ELAPOR2: variants seen among roughly 807,000 people sequenced by gnomAD.
ELAPOR2 encodes endosome-lysosome associated apoptosis and autophagy regulator family member 2, also known as endosome/lysosome-associated apoptosis and autophagy regulator family member 2.
In ELAPOR2, 89 loss-of-function variants were observed where a neutral mutation model predicts 120.7. The ratio of observed to expected loss-of-function variants is 0.74; its 90% CI spans 0.62 to 0.88. The LOEUF (loss-of-function observed/expected upper bound fraction) is 0.88, where lower values mean the gene tolerates loss of function less well. Among genes scored for constraint, ELAPOR2 ranks in the 40% least tolerant of loss-of-function variants. ELAPOR2 has a pLI of 0.00. For synonymous variants in ELAPOR2, 444 were observed against 444.9 expected, an observed-to-expected ratio of 1.00 and a Z score of 0.03; for missense variants, 1,134 against 1,251.6, an observed-to-expected ratio of 0.91 and a Z score of 1.42.
chr7:86,922,122 G>C (rs1789860896), intron 10 of ELAPOR2, among the ~76,000 whole-genome samples: 1 of 151,922 alleles, frequency 6.6e-6, no homozygotes, highest in Admixed American at 6.6e-5. Flanking sequence ...CTGTGCCCTG[G>C]TTGTTATTTT....
At chr7:86,896,686 TAA>T (rs1422086231) in intron 19 of ELAPOR2, among the ~76,000 whole-genome samples, 4 of 152,252 alleles carry the variant, frequency 2.6e-5, no homozygotes, top group East Asian at 3.9e-4. Flanking sequence ...TGAAGCAGAT[TAA>T]GTTTGTTTTT....
At chr7:86,966,867 CCA>C (rs1791924406) in intron 1 of ELAPOR2, among the ~76,000 whole-genome samples, 1 of 152,156 alleles carries the variant, frequency 6.6e-6, no homozygotes. Flanking sequence ...CTTCATCACT[CCA>C]GTCTCTGCCT....
chr7:86,907,028 A>G (rs7781178), intron 18 of ELAPOR2, among the ~76,000 whole-genome samples: 56,053 of 152,054 alleles, frequency 0.37, 12,306 homozygotes, highest in African/African-American at 0.63. Flanking sequence ...CTGAGCCTAC[A>G]AAATTGTTTT....
At chr7:87,000,219 T>C (rs1472351557) in intron 1 of ELAPOR2, among the ~76,000 whole-genome samples, 1 of 152,134 alleles carries the variant, frequency 6.6e-6, no homozygotes, top group African/African-American at 2.4e-5. Context: ...AGGAGACGTA[T>C]GCAAATTAAG....
chr7:87,058,653 C>T (rs1795335527), intron 1 of ELAPOR2, among the ~76,000 whole-genome samples: 1 of 152,178 alleles, frequency 6.6e-6, no homozygotes, highest in African/African-American at 2.4e-5. Context: ...AATACTTCAG[C>T]CAGGTGATAA....
intron 6 of ELAPOR2, 111 bp downstream of exon 6, chr7:86,939,898 AT>A: frequency 1.8e-6 from 1 of 558,388 alleles, no homozygotes; most frequent in Non-Finnish European, 3.1e-6. Flanking sequence ...TCCCTAACAT[AT>A]TAATTTCTGT....
chr7:86,883,516 T>A (rs879367342), intron 21 of ELAPOR2, among the ~76,000 whole-genome samples: 1 of 152,040 alleles, frequency 6.6e-6, no homozygotes, highest in African/African-American at 2.4e-5. Flanking sequence ...ACAGACTGGA[T>A]AAACAAATGT....
rs1799330010 is a variant in ELAPOR2 at position 86,880,204 on chromosome 7, G to A, written c.*267C>T. On this transcript the variant is annotated 3_prime_UTR_variant, in exon 22 of 22. Transcript: ENST00000450689. ...TTGGTGGGCTTAAACTTGGTTTTCA[G>A]TTATGTGTATATACAGATAAATCTC... The A allele has an allele frequency of 2.0e-5, 9 of 443,912 alleles. No individual in the cohort carries two copies. In the South Asian group the frequency reaches 2.1e-4, roughly 10 times the overall value. 27.5% of individuals were successfully genotyped at this position (443,912 alleles called of 1,614,324 possible).
intron 1 of ELAPOR2, among the ~76,000 whole-genome samples, chr7:86,979,975 A>G (rs1291666334): frequency 6.6e-6 from 1 of 152,252 alleles, no homozygotes; most frequent in East Asian, 1.9e-4. Context: ...AGCCTAAAAC[A>G]AAACAAAACA....
chr7:86,942,712 C>T (rs1399947427), intron 4 of ELAPOR2, among the ~76,000 whole-genome samples: 1 of 152,036 alleles, frequency 6.6e-6, no homozygotes, highest in Non-Finnish European at 1.5e-5. Flanking sequence ...ACACCTTTTG[C>T]TTTCCAGGCA....
rs758972306 is a variant in ELAPOR2 at position 86,940,090 on chromosome 7, A to G, written c.767T>C (p.Ile256Thr). ...GATGCCTGTAGTTCTCCAGTAGAGT[A>G]TGTTTGTGCCTGATTTCAGCATTAC... ...HSVMLKSGTNILYWRTTGILM... is the reference protein window; with the variant it reads ...HSVMLKSGTNTLYWRTTGILM... Residue 256 changes from isoleucine to threonine, a missense_variant, in exon 6 of 22, where the codon ATA (isoleucine) becomes ACA (threonine). Coordinates refer to ENST00000450689, the MANE Select transcript of ELAPOR2 (RefSeq NM_001142749.3). 1.2e-5 allele frequency: 19 copies of G among 1,611,728 alleles called. No homozygotes were observed. Among genetic ancestry groups the G allele is most frequent in the African/African-American group, 2.7e-5 (2 of 74,780 alleles).
intron 15 of ELAPOR2, among the ~76,000 whole-genome samples, chr7:86,910,278 A>G (rs942372779): frequency 1.3e-5 from 2 of 152,146 alleles, no homozygotes; most frequent in African/African-American, 2.4e-5. Context: ...TTTGTGATAA[A>G]TGAAAGTCAT....
At chr7:87,041,648 T>C (rs553310151) in intron 1 of ELAPOR2, among the ~76,000 whole-genome samples, 3 of 152,022 alleles carry the variant, frequency 2.0e-5, no homozygotes, top group South Asian at 4.2e-4. Context: ...TACCAGCCGC[T>C]GCAAAATCAT....
intron 18 of ELAPOR2, among the ~76,000 whole-genome samples, 183 bp from the exon 19 acceptor site, chr7:86,897,815 G>C (rs1290408546): frequency 6.6e-6 from 1 of 152,140 alleles, no homozygotes; most frequent in Non-Finnish European, 1.5e-5. Context: ...GTACCTAGTA[G>C]GATGGCTGGA....
chr7:86,913,742 A>G (rs905296922), intron 13 of ELAPOR2, among the ~76,000 whole-genome samples: 3 of 152,262 alleles, frequency 2.0e-5, no homozygotes, highest in African/African-American at 7.2e-5. Flanking sequence ...CCTTTCCCTA[A>G]TCAACATACA....
chr7:87,032,887 C>T (rs1794466952), intron 1 of ELAPOR2, among the ~76,000 whole-genome samples: 1 of 152,132 alleles, frequency 6.6e-6, no homozygotes. Flanking sequence ...CACAGCAGTA[C>T]ATAAAGCTTT....
chr7:87,048,732 C>T (rs754629939), intron 1 of ELAPOR2, among the ~76,000 whole-genome samples: 5 of 152,036 alleles, frequency 3.3e-5, no homozygotes, highest in Non-Finnish European at 5.9e-5. Flanking sequence ...AAAACAATCT[C>T]GTGTACCACA....
chr7:87,026,737 A>G (rs1794255692), intron 1 of ELAPOR2, among the ~76,000 whole-genome samples: 1 of 152,086 alleles, frequency 6.6e-6, no homozygotes, highest in Non-Finnish European at 1.5e-5. Flanking sequence ...GGGTCTCTAC[A>G]GTCATTAATT....
At chr7:87,046,394 T>C (rs986766597) in intron 1 of ELAPOR2, among the ~76,000 whole-genome samples, 1 of 152,172 alleles carries the variant, frequency 6.6e-6, no homozygotes, top group African/African-American at 2.4e-5. Context: ...ACAGATTTAA[T>C]GCAATCCCTA....
Sources: gnomAD v4.1 joint callset for allele counts (sites outside exome capture counted in the v4.1 genomes callset) on GRCh38, gnomAD v4.1.1 for gene constraint, MANE v1.5 for transcripts, NCBI Gene and HGNC (gene_info 2026-07-23, HGNC 2026-07-21) for gene names.